The following SIPA1L1 variants were observed in gnomAD, a reference collection of about 807,000 sequenced individuals.
SIPA1L1 encodes the protein signal induced proliferation associated 1 like 1, also known as signal-induced proliferation-associated 1-like protein 1.
In SIPA1L1, 26 loss-of-function variants were observed where a neutral mutation model predicts 162.7. The observed-to-expected ratio is 0.16, with a 90% confidence interval of 0.12 to 0.22. The LOEUF is 0.22. Among genes scored for constraint, SIPA1L1 ranks in the 10% least tolerant of loss-of-function variants. SIPA1L1 has a pLI of 1.00. For missense variants in SIPA1L1, 1,874 were observed against 2,241.0 expected, an observed-to-expected ratio of 0.84 and a Z score of 3.31; for synonymous variants, 829 against 837.4, an observed-to-expected ratio of 0.99 and a Z score of 0.17.
chr14:71,652,644 A>T, intron 8 of SIPA1L1, among the ~76,000 whole-genome samples: 1 of 149,712 alleles, frequency 6.7e-6, no homozygotes. Flanking sequence ...TTTTCCCCCT[A>T]ACCTTTTTTT....
chr14:71,629,744 A>G (rs1012293116), intron 7 of SIPA1L1, among the ~76,000 whole-genome samples: 10 of 152,242 alleles, frequency 6.6e-5, no homozygotes, highest in African/African-American at 2.4e-4. Flanking sequence ...AAATGAAAAT[A>G]TTTATTGAGT....
rs891581097 is a variant in SIPA1L1 at position 71,484,900 on chromosome 14, T to A, written c.-464-27843T>A. Reference sequence around the variant, plus strand: ...TGTTCCTAGCTTTAAACAAAACCTATGCTTAGAGTTAAGTTAGAGTAGAGA... The same window carrying A: ...TGTTCCTAGCTTTAAACAAAACCTAAGCTTAGAGTTAAGTTAGAGTAGAGA... On this transcript the variant is annotated intron_variant, in intron 2 of 23. Coordinates refer to ENST00000381232, the MANE Select transcript of SIPA1L1 (RefSeq NM_001386936.1). Among the ~76,000 whole-genome samples, 13 of 152,358 alleles carry A rather than the reference T, an allele frequency of 8.5e-5. No individual in the cohort carries two copies. In the East Asian group the frequency reaches 2.5e-3, roughly 29 times the overall value.
intron 2 of SIPA1L1, among the ~76,000 whole-genome samples, chr14:71,372,544 GT>G (rs571847579): frequency 1.2e-3 from 178 of 152,174 alleles, no homozygotes; most frequent in African/African-American, 4.1e-3. Context: ...TGTACATTCT[GT>G]CCTAGTGACT....
Position 71,587,749 on chromosome 14 carries a change from AAG to A in SIPA1L1, c.-122_-121del. On this transcript the variant is annotated 5_prime_UTR_variant, in exon 5 of 24. An upstream open reading frame in the 5' UTR gains an earlier in-frame stop. Coordinates refer to ENST00000381232, the MANE Select transcript of SIPA1L1 (RefSeq NM_001386936.1). Reference sequence around the variant, plus strand: ...GCATCATTTAACCTTTTAAATGAAAAAGATTAAGATCTCATGCAACTGTTGTA... The same window carrying A: ...GCATCATTTAACCTTTTAAATGAAAAATTAAGATCTCATGCAACTGTTGTA... The A allele has an allele frequency of 2.2e-6, 2 of 904,056 alleles. No homozygotes were observed. The highest frequency in any genetic ancestry group is 1.7e-6 in the Non-Finnish European group (1 of 597,404). 56.0% of individuals were successfully genotyped at this position (904,056 alleles called of 1,614,324 possible). A position where few individuals can be genotyped will look rare whatever the true frequency, so the allele number is the denominator to read the frequency against.
At position 71,377,121 on chromosome 14, in the gene SIPA1L1, G is replaced by T. The variant is rs1359366822; in HGVS notation, c.-465+55940G>T. ...CCAGATGTGGCGGCCGGGCAGAGGG[G>T]CCCCCCCACCCCCCAGATGGGGCGG... On this transcript the variant is annotated intron_variant, in intron 2 of 23. Coordinates refer to ENST00000381232, the MANE Select transcript of SIPA1L1 (RefSeq NM_001386936.1). The surrounding 1 kb of genome is among the most constrained non-coding windows in gnomAD (Gnocchi z 4.8). Among the ~76,000 whole-genome samples the T allele has an allele frequency of 6.8e-6, 1 of 146,634 alleles. No homozygotes were observed. Among genetic ancestry groups the T allele is most frequent in the African/African-American group, 2.5e-5 (1 of 39,528 alleles).
At chr14:71,546,512 G>A (rs1226233470) in intron 4 of SIPA1L1, among the ~76,000 whole-genome samples, 1 of 151,224 alleles carries the variant, frequency 6.6e-6, no homozygotes, top group Non-Finnish European at 1.5e-5. Context: ...CTCCTAAGTA[G>A]CTGGGATTAC....
intron 2 of SIPA1L1, among the ~76,000 whole-genome samples, chr14:71,413,066 T>G (rs1390697741): frequency 1.3e-5 from 2 of 152,218 alleles, no homozygotes; most frequent in Non-Finnish European, 2.9e-5. Context: ...AGGATAATTC[T>G]TTGTTGGAGG....
intron 12 of SIPA1L1, among the ~76,000 whole-genome samples, chr14:71,674,555 T>TAGTAAC (rs1346545820): frequency 1.1e-4 from 17 of 148,660 alleles, no homozygotes; most frequent in Non-Finnish European, 2.4e-4. Flanking sequence ...TCCTGTTTTT[T>TAGTAAC]TTTTGTTTTT....
At chr14:71,507,130 GGCCTTTTT>G in intron 2 of SIPA1L1, among the ~76,000 whole-genome samples, 1 of 152,110 alleles carries the variant, frequency 6.6e-6, no homozygotes, top group Non-Finnish European at 1.5e-5. Flanking sequence ...AGGTTAAATG[GGCCTTTTT>G]GCTCTCCTCA....
At chr14:71,542,320 CTCCTCT>C (rs371639294) in intron 4 of SIPA1L1, among the ~76,000 whole-genome samples, 60 of 147,600 alleles carry the variant, frequency 4.1e-4, no homozygotes, top group African/African-American at 1.4e-3. Context: ...CCTCCTCTTC[CTCCTCT>C]TCCTCTTCCT....
chr14:71,693,952 G>A (rs1174313522), intron 13 of SIPA1L1, among the ~76,000 whole-genome samples: 1 of 151,994 alleles, frequency 6.6e-6, no homozygotes, highest in East Asian at 1.9e-4. Flanking sequence ...GGGTTACTGA[G>A]GGCCTTATGT....
intron 2 of SIPA1L1, among the ~76,000 whole-genome samples, chr14:71,466,203 A>G (rs1427080624): frequency 6.6e-6 from 1 of 152,204 alleles, no homozygotes; most frequent in Non-Finnish European, 1.5e-5. Flanking sequence ...AGCTAATGCT[A>G]CCACCAAAGA....
chr14:71,513,601 C>T (rs150006870), intron 3 of SIPA1L1, among the ~76,000 whole-genome samples: 41 of 152,212 alleles, frequency 2.7e-4, no homozygotes, highest in African/African-American at 9.6e-4. Flanking sequence ...GATTCATTCT[C>T]CTACCTCAGC....
At chr14:71,497,352 G>A (rs559439580) in intron 2 of SIPA1L1, among the ~76,000 whole-genome samples, 11 of 152,140 alleles carry the variant, frequency 7.2e-5, no homozygotes, top group Admixed American at 1.3e-4. Flanking sequence ...GGCCCATACC[G>A]TTCTAAATGA....
intron 4 of SIPA1L1, among the ~76,000 whole-genome samples, chr14:71,564,490 C>CTTTCTTTTTTTTTT (rs756891527): frequency 1.0e-5 from 1 of 97,830 alleles, no homozygotes; most frequent in African/African-American, 4.1e-5. Context: ...CATTTTCTTT[C>CTTTCTTTTTTTTTT]TTTTTTTTTT....
At chr14:71,698,366 A>G (rs1382448314) in intron 13 of SIPA1L1, among the ~76,000 whole-genome samples, 1 of 152,246 alleles carries the variant, frequency 6.6e-6, no homozygotes, top group African/African-American at 2.4e-5. Flanking sequence ...CATGTGGAGC[A>G]CACTTCTACT....
chr14:71,723,600 A>T (rs754254137), intron 17 of SIPA1L1, 47 bp from the exon 18 acceptor site: 2 of 1,607,940 alleles, frequency 1.2e-6, no homozygotes. Context: ...TTTATAGCTG[A>T]CATAATGATC....
intron 2 of SIPA1L1, among the ~76,000 whole-genome samples, chr14:71,375,770 A>G (rs925592807): frequency 2.0e-5 from 3 of 152,156 alleles, no homozygotes; most frequent in Non-Finnish European, 2.9e-5. Context: ...GAGAATTTTT[A>G]TCATGAATGT....
Position 71,733,779 on chromosome 14 carries a change from T to C in SIPA1L1, c.4975T>C (p.Ser1659Pro). The C allele has an allele frequency of 6.2e-7, 1 of 1,613,190 alleles. No homozygotes were observed. The highest frequency in any genetic ancestry group is 1.1e-5 in the South Asian group (1 of 91,030). Residue 1659 changes from serine (S) to proline (P), a missense_variant, in exon 21 of 24, where the codon TCC (serine) becomes CCC (proline). Around this residue, in one of 5 missense-constraint regions of SIPA1L1, gnomAD observed 936 missense variants for 1,051.9 expected, o/e 0.89. Coordinates refer to ENST00000381232, the MANE Select transcript of SIPA1L1 (RefSeq NM_001386936.1). ...TGACACTGCTGCAGACTTGGATTGG[T>C]CCAACCTGGTAGATGCTGCCAAAGC... The part of the protein sequence containing the change: ...LPDTAADLDW[S>P]NLVDAAKAYE...
Sources: allele counts gnomAD v4.1 joint callset (sites outside exome capture counted in the v4.1 genomes callset), GRCh38; gene constraint gnomAD v4.1.1; regional missense constraint gnomAD v4.1.1; non-coding constraint Gnocchi (gnomAD v3.1); transcripts MANE v1.5; gene names NCBI Gene and HGNC (gene_info 2026-07-23, HGNC 2026-07-21).